CDKL1: variants seen among roughly 807,000 people sequenced by gnomAD.
CDKL1 encodes the protein cyclin dependent kinase like 1.
In CDKL1, 41 loss-of-function variants were observed where a neutral mutation model predicts 42.0. The ratio of observed to expected loss-of-function variants is 0.98; its 90% CI spans 0.76 to 1.27. The LOEUF (loss-of-function observed/expected upper bound fraction) is 1.27. CDKL1 is among the 50% of genes most tolerant of loss of function. The pLI is 0.00. For missense variants in CDKL1, 394 were observed against 428.4 expected (o/e 0.92, Z 0.71); for synonymous variants, 153 against 158.6 (o/e 0.96, Z 0.26).
intron 6 of CDKL1, among the ~76,000 whole-genome samples, chr14:50,340,600 G>A (rs1566577699): frequency 6.6e-6 from 1 of 152,166 alleles, no homozygotes. Flanking sequence ...TTAGAAGGTT[G>A]GGAATCATTC....
chr14:50,345,777 C>CATCT (rs1181084213), intron 3 of CDKL1, among the ~76,000 whole-genome samples: 2 of 152,152 alleles, frequency 1.3e-5, no homozygotes, highest in African/African-American at 4.8e-5. Context: ...AGCCCAGGTA[C>CATCT]ATCTTTCTAC....
chr14:50,340,500 C>T (rs1403256995), intron 6 of CDKL1, among the ~76,000 whole-genome samples: 12 of 152,082 alleles, frequency 7.9e-5, no homozygotes, highest in Admixed American at 2.6e-4. Flanking sequence ...CCTTCCCCTC[C>T]GCCTCCAAGG....
chr14:50,362,978 G>T (rs989920277), intron 2 of CDKL1: 1 of 466,218 alleles, frequency 2.1e-6, no homozygotes, highest in Middle Eastern at 4.2e-4. Flanking sequence ...CCGCACTGCT[G>T]TAACACTTAT....
chr14:50,327,977 C>G lies in CDKL1; in HGVS notation c.*2097G>C, dbSNP rs960221216. On this transcript the variant is annotated 3_prime_UTR_variant, in exon 10 of 10. Coordinates refer to ENST00000395834, the MANE Select transcript of CDKL1 (RefSeq NM_004196.7). Reference sequence around the variant, plus strand: ...ATGTGATACAGTGGAGATTTCATACCGAATAAAAGCATTATAAATATGGTT... The same window carrying G: ...ATGTGATACAGTGGAGATTTCATACGGAATAAAAGCATTATAAATATGGTT... The G allele has an allele frequency of 6.6e-6, 1 of 151,764 alleles. No individual in the cohort carries two copies. Among genetic ancestry groups the G allele is most frequent in the African/African-American group, 2.4e-5 (1 of 41,308 alleles). The allele number at this position is 151,764 out of a possible 1,614,324, so 9.4% of individuals were successfully genotyped here.
chr14:50,361,466 T>C (rs2034244253), intron 2 of CDKL1, among the ~76,000 whole-genome samples: 1 of 152,236 alleles, frequency 6.6e-6, no homozygotes, highest in African/African-American at 2.4e-5. Context: ...ACAGAACTTT[T>C]TTTCTTACAG....
At chr14:50,378,887 T>C (rs1225718732) in intron 2 of CDKL1, among the ~76,000 whole-genome samples, 1 of 151,668 alleles carries the variant, frequency 6.6e-6, no homozygotes, top group East Asian at 1.9e-4. Flanking sequence ...AGTTTCACTC[T>C]GTCACCCAGG....
intron 2 of CDKL1, among the ~76,000 whole-genome samples, chr14:50,384,013 T>A (rs2035001174): frequency 6.6e-6 from 1 of 152,228 alleles, no homozygotes; most frequent in Admixed American, 6.5e-5. Flanking sequence ...TATTTGCAGT[T>A]AGTATATTAT....
intron 2 of CDKL1, chr14:50,363,035 C>T (rs1370039597): frequency 6.8e-6 from 3 of 439,412 alleles, no homozygotes; most frequent in Admixed American, 2.4e-5. Flanking sequence ...GACCACGAAC[C>T]CACTGGGAGG....
chr14:50,380,191 T>C (rs753982597), intron 2 of CDKL1: 1 of 532,622 alleles, frequency 1.9e-6, no homozygotes, highest in South Asian at 1.4e-5. Context: ...TCTTCCTCCC[T>C]GGCAACACAA....
At chr14:50,362,759 CAAAACGGACCAATCACCTCTCTGT>C (rs2034306900) in intron 2 of CDKL1, 1 of 235,934 alleles carries the variant, frequency 4.2e-6, no homozygotes, top group African/African-American at 2.2e-5. Flanking sequence ...AGCACCCTGT[CAAAACGGACCAATCACCTCTCTGT>C]AAAACAGACC....
intron 2 of CDKL1, chr14:50,380,105 C>A: frequency 1.9e-6 from 1 of 514,488 alleles, no homozygotes; most frequent in Non-Finnish European, 4.0e-6. Flanking sequence ...CTAAGCATAC[C>A]CTCACATTGG....
chr14:50,381,791 G>C (rs1267884548), intron 2 of CDKL1, among the ~76,000 whole-genome samples: 2 of 151,242 alleles, frequency 1.3e-5, no homozygotes, highest in Non-Finnish European at 2.9e-5. Context: ...TGTTTGTTTA[G>C]ATAAAGGGTT....
At chr14:50,333,832 T>C (rs2033103167) in intron 8 of CDKL1, 1 of 151,762 alleles carries the variant, frequency 6.6e-6, no homozygotes, top group Admixed American at 6.6e-5. Context: ...GACTGTAACT[T>C]GCAAACATTT....
At chr14:50,362,734 G>A (rs187933002) in intron 2 of CDKL1, among the ~76,000 whole-genome samples, 96 of 152,290 alleles carry the variant, frequency 6.3e-4, no homozygotes, top group Non-Finnish European at 1.0e-3. Flanking sequence ...CTCAGGGATT[G>A]TAAATGCACC....
chr14:50,351,684 A>C (rs2033906797), intron 3 of CDKL1, among the ~76,000 whole-genome samples: 1 of 149,972 alleles, frequency 6.7e-6, no homozygotes. Context: ...GCAGTGAGCT[A>C]TGATTGGGCC....
chr14:50,380,802 C>CTTTGTTTTTGTTTTTTTTTTGTTTT (rs368170212), intron 2 of CDKL1, among the ~76,000 whole-genome samples: 4 of 134,604 alleles, frequency 3.0e-5, no homozygotes, highest in African/African-American at 1.1e-4. Flanking sequence ...CTGTGACTTC[C>CTTTGTTTTTGTTTTTTTTTTGTTTT]TTTTTTTTTT....
intron 2 of CDKL1, among the ~76,000 whole-genome samples, chr14:50,395,405 C>G (rs146111277): frequency 4.8e-4 from 73 of 152,356 alleles, no homozygotes; most frequent in African/African-American, 1.7e-3. Context: ...ATTTGTGTCA[C>G]TGAAGTCAAA....
At chr14:50,369,713 G>T (rs2034537508) in intron 2 of CDKL1, among the ~76,000 whole-genome samples, 1 of 151,630 alleles carries the variant, frequency 6.6e-6, no homozygotes, top group Non-Finnish European at 1.5e-5. Context: ...CAGCCTCCTG[G>T]GTTCAAGCAA....
At chr14:50,396,602 G>A in intron 1 of CDKL1, 1 of 318,632 alleles carries the variant, frequency 3.1e-6, no homozygotes, top group Non-Finnish European at 4.5e-6. Context: ...TTCTAATTTC[G>A]GGTCTCATTT....
Sources: gnomAD v4.1 joint callset for allele counts (sites outside exome capture counted in the v4.1 genomes callset) on GRCh38, gnomAD v4.1.1 for gene constraint, MANE v1.5 for transcripts, NCBI Gene and HGNC (gene_info 2026-07-23, HGNC 2026-07-21) for gene names.